PPM1D: variants seen among roughly 807,000 people sequenced by gnomAD.
The protein encoded by PPM1D is protein phosphatase 1D.
A neutral mutation model predicts 58.3 loss-of-function variants in PPM1D; 52 were observed. The observed-to-expected ratio is 0.89, with a 90% CI of 0.71 to 1.12. The LOEUF (loss-of-function observed/expected upper bound fraction) is 1.12. Ranked by LOEUF, PPM1D falls within the 50% of genes most tolerant of loss-of-function variation. The pLI is 0.00. For missense variants in PPM1D, 564 were observed against 777.2 expected (o/e 0.73, Z 3.26); for synonymous variants, 278 against 285.1 (o/e 0.98, Z 0.25).
At chr17:60,615,601 C>T (rs964746933) in intron 1 of PPM1D, among the ~76,000 whole-genome samples, 1 of 151,264 alleles carries the variant, frequency 6.6e-6, no homozygotes, top group Non-Finnish European at 1.5e-5. Context: ...ATCAGAATCT[C>T]AAGAAGGTTT....
chr17:60,645,606 ATG>A (rs1403591253), intron 3 of PPM1D, among the ~76,000 whole-genome samples: 5 of 138,264 alleles, frequency 3.6e-5, no homozygotes, highest in South Asian at 2.2e-4. Flanking sequence ...ATGTATATAT[ATG>A]TGTGTATATA....
intron 2 of PPM1D, among the ~76,000 whole-genome samples, chr17:60,631,470 C>A (rs557271203): frequency 2.0e-5 from 3 of 152,058 alleles, no homozygotes; most frequent in African/African-American, 7.2e-5. Context: ...TAAACCCCGT[C>A]TCTACTAAAA....
intron 1 of PPM1D, among the ~76,000 whole-genome samples, chr17:60,620,737 T>C (rs1043981432): frequency 3.3e-5 from 5 of 152,152 alleles, no homozygotes; most frequent in African/African-American, 4.8e-5. Flanking sequence ...CTAGAACTCC[T>C]GACCTCATGG....
chr17:60,609,381 C>T (rs1472620562), intron 1 of PPM1D, among the ~76,000 whole-genome samples: 1 of 152,204 alleles, frequency 6.6e-6, no homozygotes, highest in Non-Finnish European at 1.5e-5. Flanking sequence ...GTGTGAGCCA[C>T]CGTGCCCAGC....
At chr17:60,616,397 C>T (rs1174212930) in intron 1 of PPM1D, among the ~76,000 whole-genome samples, 1 of 152,006 alleles carries the variant, frequency 6.6e-6, no homozygotes, top group Non-Finnish European at 1.5e-5. Context: ...TACTGAAGGT[C>T]AAGAGTTCGA....
chr17:60,600,369 G>C lies in PPM1D; in HGVS notation c.-46G>C, dbSNP rs1464155144. 3 of 1,537,250 alleles carry C rather than the reference G, an allele frequency of 2.0e-6. No homozygotes were observed. Among genetic ancestry groups the C allele is most frequent in the Non-Finnish European group, 2.6e-6 (3 of 1,142,204 alleles). ...GCGCCTAGTGTGTCTCCCGCCGCCGGATTCGGCGGGCTGCGTGGGACCGGC... is the reference window on the plus strand; with the variant it reads ...GCGCCTAGTGTGTCTCCCGCCGCCGCATTCGGCGGGCTGCGTGGGACCGGC... On this transcript the variant is annotated 5_prime_UTR_variant, in exon 1 of 6. Transcript: ENST00000305921.
In PPM1D at chr17:60,600,338, C is replaced by A. The variant is rs529878076; in HGVS notation, c.-77C>A. 9 of 1,508,910 alleles carry A rather than the reference C, an allele frequency of 6.0e-6. No homozygotes were observed. The highest frequency in any genetic ancestry group is 2.9e-5 in the African/African-American group (2 of 69,812). The allele number at this position is 1,508,910 out of a possible 1,614,324, so 93.5% of individuals were successfully genotyped here. ...TCGTCGAAGATAAACAATAGTTGGCCGGCGAGCGCCTAGTGTGTCTCCCGC... is the reference window on the plus strand; with the variant it reads ...TCGTCGAAGATAAACAATAGTTGGCAGGCGAGCGCCTAGTGTGTCTCCCGC... On this transcript the variant is annotated 5_prime_UTR_variant, in exon 1 of 6. Coordinates refer to ENST00000305921, the MANE Select transcript of PPM1D (RefSeq NM_003620.4).
chr17:60,614,067 G>T (rs2030527548), intron 1 of PPM1D, among the ~76,000 whole-genome samples: 1 of 152,206 alleles, frequency 6.6e-6, no homozygotes, highest in South Asian at 2.1e-4. Flanking sequence ...TGCGGCCCCG[G>T]TGCGGGATCC....
intron 1 of PPM1D, among the ~76,000 whole-genome samples, chr17:60,602,287 A>G (rs2030231346): frequency 6.6e-6 from 1 of 152,234 alleles, no homozygotes; most frequent in African/African-American, 2.4e-5. Flanking sequence ...CAGCAGCACA[A>G]GAGAGGAAGA....
At position 60,663,721 on chromosome 17, in the gene PPM1D, A is replaced by C; in HGVS notation, c.*169A>C. On this transcript the variant is annotated 3_prime_UTR_variant, in exon 6 of 6. Transcript: ENST00000305921. ...GGCCTTGTACTTGCTTGTATTGTAA[A>C]TGTGGATTTTGTAGATGTTAGGGTA... 2.8e-6 allele frequency: 2 copies of C among 705,194 alleles called. No homozygotes were observed. The highest frequency in any genetic ancestry group is 4.5e-6 in the Non-Finnish European group (2 of 441,246). The allele number at this position is 705,194 out of a possible 1,614,324, so 43.7% of individuals were successfully genotyped here. A position where few individuals can be genotyped will look rare whatever the true frequency, so the allele number is the denominator to read the frequency against.
Position 60,600,701 on chromosome 17 carries a change from C to A in PPM1D, c.287C>A (p.Ser96Tyr). Reference sequence around the variant, plus strand: ...CCTAGCCGCTGCTGCCGCCGCCGTTCCTCCGTGGCCTTTTTCGCCGTGTGC... The same window carrying A: ...CCTAGCCGCTGCTGCCGCCGCCGTTACTCCGTGGCCTTTTTCGCCGTGTGC... ...PAPSRCCRRR[S>Y]SVAFFAVCDG... The change falls in exon 1 of 6, where the codon TCC becomes TAC. Residue 96 changes from serine to tyrosine, a missense_variant. This residue lies in a region of PPM1D where 132 missense variants were observed against 150.4 expected (regional missense o/e 0.88). Coordinates refer to ENST00000305921, the MANE Select transcript of PPM1D (RefSeq NM_003620.4). 1 of 1,601,150 alleles carries A rather than the reference C, an allele frequency of 6.2e-7. No homozygotes were observed. The highest frequency in any genetic ancestry group is 1.1e-5 in the South Asian group (1 of 90,294).
chr17:60,613,634 T>TGG (rs983595800), intron 1 of PPM1D, among the ~76,000 whole-genome samples: 10 of 152,298 alleles, frequency 6.6e-5, no homozygotes, highest in African/African-American at 2.4e-4. Context: ...GGGTGGGAAC[T>TGG]GGGGCTGCGT....
chr17:60,643,051 A>G (rs1292126563), intron 3 of PPM1D, among the ~76,000 whole-genome samples: 1 of 146,564 alleles, frequency 6.8e-6, no homozygotes, highest in Non-Finnish European at 1.5e-5. Context: ...ACTCCGTCTC[A>G]AAAGAAAAAA....
At chr17:60,651,022 C>T (rs1030550814) in intron 4 of PPM1D, among the ~76,000 whole-genome samples, 5 of 152,040 alleles carry the variant, frequency 3.3e-5, no homozygotes, top group African/African-American at 1.2e-4. Context: ...ACAAGAGTTG[C>T]GTAAATTGTG....
chr17:60,626,154 A>G (rs1027728801), intron 2 of PPM1D, among the ~76,000 whole-genome samples: 3 of 152,088 alleles, frequency 2.0e-5, no homozygotes, highest in Non-Finnish European at 4.4e-5. Flanking sequence ...AAATCTGCAC[A>G]TATGTGTTTT....
rs1484390133 is a variant in PPM1D at position 60,663,275 on chromosome 17, A to G, written c.1541A>G (p.Lys514Arg). Residue 514 changes from lysine (K) to arginine (R), a missense_variant, in exon 6 of 6, where the codon AAG becomes AGG. Lys to Arg is a conservative substitution (Grantham distance 26). Transcript: ENST00000305921. Reference protein sequence around the residue: ...TNTVMDQKNLKMSTPGQMKAQ... With the variant: ...TNTVMDQKNLRMSTPGQMKAQ... ...ACTGTCATGGACCAAAAAAATTTGA[A>G]GATGTCAACTCCTGGCCAAATGAAA... is the stretch of plus-strand genomic sequence containing the variant. The G allele has an allele frequency of 1.2e-6, 2 of 1,614,102 alleles. No homozygotes were observed. Among genetic ancestry groups the G allele is most frequent in the Admixed American group, 3.3e-5 (2 of 60,002 alleles).
intron 2 of PPM1D, among the ~76,000 whole-genome samples, chr17:60,628,068 G>A (rs2030846129): frequency 6.6e-6 from 1 of 151,498 alleles, no homozygotes; most frequent in East Asian, 2.0e-4. Context: ...GGGGTTTCAC[G>A]AACTCCCGAC....
intron 4 of PPM1D, among the ~76,000 whole-genome samples, chr17:60,649,603 C>T (rs1282664708): frequency 6.6e-6 from 1 of 151,994 alleles, no homozygotes; most frequent in Non-Finnish European, 1.5e-5. Flanking sequence ...GCAGGAGAAT[C>T]TCTTGAACCC....
chr17:60,656,895 T>C, intron 5 of PPM1D, 54 bp downstream of exon 5: 1 of 1,610,998 alleles, frequency 6.2e-7, no homozygotes, highest in Non-Finnish European at 8.5e-7. Context: ...AGTTCTTTGG[T>C]TAGCGTCACC....
Sources: allele counts gnomAD v4.1 joint callset (sites outside exome capture counted in the v4.1 genomes callset), GRCh38; gene constraint gnomAD v4.1.1; regional missense constraint gnomAD v4.1.1; transcripts MANE v1.5; gene names NCBI Gene and HGNC (gene_info 2026-07-23, HGNC 2026-07-21).